FGF13: variants seen among roughly 807,000 people sequenced by gnomAD.
The protein encoded by FGF13 is fibroblast growth factor 13, also known as fibroblast growth factor homologous factor 2.
In FGF13, 2 loss-of-function variants were observed where a neutral mutation model predicts 19.5. That is an observed-to-expected ratio of 0.10 (90% CI 0.04 to 0.32). The LOEUF (loss-of-function observed/expected upper bound fraction) is 0.32. Among genes scored for constraint, FGF13 ranks in the 10% least tolerant of loss-of-function variants. The probability of loss-of-function intolerance (pLI) is 1.00; values close to 1 mark genes in which losing one functional copy is unlikely to be tolerated. For synonymous variants in FGF13, 72 were observed against 76.9 expected (o/e 0.94, Z 0.33); for missense variants, 113 against 192.7 (o/e 0.59, Z 2.45).
rs145444782 is a variant in FGF13 at position 139,045,994 on chromosome X, G to A, written c.-113+157422C>T. Among the ~76,000 whole-genome samples the A allele has an allele frequency of 1.5e-3, 170 of 111,618 alleles. 3 individuals are homozygous for A. Among genetic ancestry groups the A allele is most frequent in the African/African-American group, 5.3e-3 (163 of 30,578 alleles). ...TCATCTTTATAGCAATACCCCACTC[G>A]TGGTACCAATTTTCTGTGTTAGGCC... On this transcript the variant is annotated intron_variant, in intron 1 of 2. Transcript: ENST00000421460.
chrX:138,691,062 TG>T (rs1311621467), intron 3 of FGF13, among the ~76,000 whole-genome samples: 1 of 111,354 alleles, frequency 9.0e-6, no homozygotes, highest in East Asian at 2.8e-4. Context: ...TCGACTTCCC[TG>T]GGAGATTAGA....
At chrX:139,131,382 GGTGT>G (rs10541863) in intron 1 of FGF13, among the ~76,000 whole-genome samples, 33,208 of 91,025 alleles carry the variant, frequency 0.36, 4,884 homozygotes, top group Middle Eastern at 0.51. Context: ...AATATAGAGG[GGTGT>G]GTGTGTGTGT....
At chrX:138,898,272 A>T (rs1221245985) in intron 1 of FGF13, among the ~76,000 whole-genome samples, 1 of 112,206 alleles carries the variant, frequency 8.9e-6, no homozygotes, top group Non-Finnish European at 1.9e-5. Flanking sequence ...GAGTGCAAGC[A>T]CTACCTATAT....
At chrX:138,772,408 G>A (rs780035160) in intron 3 of FGF13, among the ~76,000 whole-genome samples, 220 of 109,493 alleles carry the variant, frequency 2.0e-3, no homozygotes, top group African/African-American at 6.6e-3. Context: ...GGGGACACCC[G>A]TACCTTGAAC....
At chrX:139,004,002 T>C in intron 1 of FGF13, among the ~76,000 whole-genome samples, 1 of 112,544 alleles carries the variant, frequency 8.9e-6, no homozygotes, top group East Asian at 2.8e-4. Context: ...TGGAGCTGCC[T>C]GCCAGTACTG....
rs1274218740 is a variant in FGF13 at position 138,709,086 on chromosome X, T to G, written c.188-158A>C. ...GAAGAAAGAAAACAAACTCTGAGTT[T>G]CAGAATAAATTTTCAAACTAAAGAA... On this transcript the variant is annotated intron_variant, in intron 1 of 4. Coordinates refer to ENST00000315930, the MANE Select transcript of FGF13 (RefSeq NM_004114.5). Among the ~76,000 whole-genome samples the G allele has an allele frequency of 6.2e-5, 7 of 113,027 alleles. No individual in the cohort carries two copies. In the Admixed American group the frequency reaches 6.5e-4, roughly 11 times the overall value.
chrX:138,965,564 T>C (rs1250926528), intron 1 of FGF13, among the ~76,000 whole-genome samples: 1 of 112,364 alleles, frequency 8.9e-6, no homozygotes, highest in Non-Finnish European at 1.9e-5. Flanking sequence ...CCAAGCATCA[T>C]TCAAATGGGC....
chrX:138,646,393 C>A (rs2124119146), intron 3 of FGF13, among the ~76,000 whole-genome samples: 1 of 111,496 alleles, frequency 9.0e-6, no homozygotes, highest in South Asian at 3.8e-4. Flanking sequence ...CTGGTACTGG[C>A]ATGTGATATT....
intron 1 of FGF13, among the ~76,000 whole-genome samples, chrX:139,052,616 T>G (rs2124413935): frequency 9.0e-6 from 1 of 111,312 alleles, no homozygotes; most frequent in South Asian, 3.8e-4. Context: ...TTTCCAGGCA[T>G]TTTTCTGCTA....
chrX:139,103,524 G>A (rs1011363797), intron 1 of FGF13, among the ~76,000 whole-genome samples: 10 of 111,694 alleles, frequency 9.0e-5, no homozygotes, highest in African/African-American at 3.3e-4. Context: ...GGTGGGGAGG[G>A]AAGTCACAGT....
At chrX:138,962,834 C>T (rs779429280) in intron 1 of FGF13, among the ~76,000 whole-genome samples, 4 of 110,566 alleles carry the variant, frequency 3.6e-5, no homozygotes, top group Non-Finnish European at 5.7e-5. Flanking sequence ...CATCACACAC[C>T]GGGGCCTGTG....
At chrX:139,071,110 C>A (rs1200940134) in intron 1 of FGF13, among the ~76,000 whole-genome samples, 1 of 110,886 alleles carries the variant, frequency 9.0e-6, no homozygotes, top group East Asian at 2.8e-4. Flanking sequence ...CACATGTACC[C>A]CATAATTTAA....
At chrX:138,968,548 G>C (rs1043378290) in intron 1 of FGF13, among the ~76,000 whole-genome samples, 7 of 111,776 alleles carry the variant, frequency 6.3e-5, no homozygotes, top group African/African-American at 2.3e-4. Flanking sequence ...TCCTGACTAA[G>C]TGCTACAACA....
chrX:139,182,335 T>C (rs2084247324), intron 1 of FGF13, among the ~76,000 whole-genome samples: 1 of 112,164 alleles, frequency 8.9e-6, no homozygotes, highest in South Asian at 3.7e-4. Flanking sequence ...ACAGTAAAGC[T>C]CAGGGAGAGC....
At chrX:139,107,230 A>G (rs2124462059) in intron 1 of FGF13, among the ~76,000 whole-genome samples, 1 of 111,901 alleles carries the variant, frequency 8.9e-6, no homozygotes, top group South Asian at 3.8e-4. Context: ...TTATAGAGTA[A>G]GTTAATGCCT....
At chrX:138,792,798 T>C (rs1415023660) in intron 3 of FGF13, among the ~76,000 whole-genome samples, 1 of 111,298 alleles carries the variant, frequency 9.0e-6, no homozygotes, top group Non-Finnish European at 1.9e-5. Flanking sequence ...CCTGGTTTCC[T>C]GTATTTCAGA....
At chrX:138,871,254 G>A (rs1324394283) in intron 1 of FGF13, among the ~76,000 whole-genome samples, 1 of 112,007 alleles carries the variant, frequency 8.9e-6, no homozygotes, top group East Asian at 2.8e-4. Context: ...CTTCCTTTGA[G>A]GTTTTTATTT....
At chrX:138,854,028 A>G (rs1339896996), downstream of FGF13, among the ~76,000 whole-genome samples, 4 of 112,069 alleles carry the variant, frequency 3.6e-5, no homozygotes, top group East Asian at 1.1e-3. Flanking sequence ...AGTGAACAAA[A>G]GAATAAAGCT....
intron 1 of FGF13, among the ~76,000 whole-genome samples, chrX:138,727,543 A>G (rs1286434397): frequency 8.9e-6 from 1 of 111,758 alleles, no homozygotes; most frequent in Non-Finnish European, 1.9e-5. Context: ...ATGAAATACA[A>G]TGAGATGCAT....
Sources: allele counts gnomAD v4.1 joint callset (sites outside exome capture counted in the v4.1 genomes callset), GRCh38; gene constraint gnomAD v4.1.1; transcripts MANE v1.5; gene names NCBI Gene and HGNC (gene_info 2026-07-23, HGNC 2026-07-21).